Variants in ZFHX3 observed in about 807,000 individuals in gnomAD.
The protein encoded by ZFHX3 is zinc finger homeobox protein 3.
ZFHX3 carries 42 observed loss-of-function variants against 279.1 expected under a neutral mutation model. That is an observed-to-expected ratio of 0.15 (90% CI 0.12 to 0.19). ZFHX3 has a LOEUF of 0.19. Ranked by LOEUF, ZFHX3 falls within the 10% of genes least tolerant of loss-of-function variation. ZFHX3 has a pLI of 1.00. For missense variants in ZFHX3, 4,981 were observed against 4,754.0 expected (o/e 1.05, Z -1.40); for synonymous variants, 2,293 against 1,957.8 (o/e 1.17, Z -4.52).
At chr16:73,727,534 C>T (rs2053529732) in intron 1 of ZFHX3, among the ~76,000 whole-genome samples, 1 of 152,134 alleles carries the variant, frequency 6.6e-6, no homozygotes, top group Admixed American at 6.5e-5. Flanking sequence ...TTTCTTCTAC[C>T]ATTAAGGATT....
At chr16:73,183,098 G>A (rs554448297) in intron 5 of ZFHX3, among the ~76,000 whole-genome samples, 2 of 152,230 alleles carry the variant, frequency 1.3e-5, no homozygotes, top group East Asian at 1.9e-4. Flanking sequence ...CCAGCTACTC[G>A]GGAGGCTGAG....
At chr16:73,863,462 A>T (rs1961933864) in intron 1 of ZFHX3, among the ~76,000 whole-genome samples, 1 of 152,120 alleles carries the variant, frequency 6.6e-6, no homozygotes. Context: ...AACCAAAGCC[A>T]CCCTTGTGTC....
Position 73,105,398 on chromosome 16 carries a change from T to TATATATATACACACACACAC in ZFHX3, c.-896-11801_-896-11800insGTGTGTGTGTGTATATATAT, listed in dbSNP as rs1163296675. On this transcript the variant is annotated intron_variant, in intron 7 of 17. Transcript: ENST00000641206. ...ATATATATATACACACACACACATA[T>TATATATATACACACACACAC]ATATATATATACACACACACATATA... Among the ~76,000 whole-genome samples the TATATATATACACACACACAC allele has an allele frequency of 4.9e-5, 6 of 122,124 alleles. 1 individual carries two copies. Among genetic ancestry groups the TATATATATACACACACACAC allele is most frequent in the Non-Finnish European group, 9.6e-5 (6 of 62,598 alleles). The allele number at this position is 122,124 out of a possible 152,430, so 80.1% of individuals were successfully genotyped here.
At chr16:73,843,007 T>C (rs1961351898) in intron 1 of ZFHX3, among the ~76,000 whole-genome samples, 1 of 152,264 alleles carries the variant, frequency 6.6e-6, no homozygotes, top group Non-Finnish European at 1.5e-5. Context: ...AGTAACACAT[T>C]ATGTACAAAA....
At chr16:73,147,847 C>T (rs1597183208) in intron 5 of ZFHX3, among the ~76,000 whole-genome samples, 1 of 151,966 alleles carries the variant, frequency 6.6e-6, no homozygotes. Context: ...ACTCCAGCCT[C>T]GGTGACAGAG....
At chr16:73,098,794 C>T (rs1330927394) in intron 7 of ZFHX3, 5 of 152,206 alleles carry the variant, frequency 3.3e-5, no homozygotes, top group African/African-American at 1.2e-4. Flanking sequence ...GAATTCCTCT[C>T]TGACTGTCAA....
intron 3 of ZFHX3, among the ~76,000 whole-genome samples, chr16:73,369,987 C>G (rs2016596843): frequency 6.6e-6 from 1 of 152,152 alleles, no homozygotes; most frequent in Non-Finnish European, 1.5e-5. Flanking sequence ...ACAAAAGATC[C>G]CTTTTATGCC....
intron 3 of ZFHX3, among the ~76,000 whole-genome samples, chr16:73,444,955 TAAAAA>T (rs56235953): frequency 1.2e-3 from 85 of 68,476 alleles, no homozygotes; most frequent in African/African-American, 4.1e-3. Context: ...CCATCTATAC[TAAAAA>T]AAAAAAAAAA....
intron 1 of ZFHX3, among the ~76,000 whole-genome samples, chr16:73,055,323 T>C (rs375080126): frequency 6.6e-6 from 1 of 152,064 alleles, no homozygotes; most frequent in Non-Finnish European, 1.5e-5. Context: ...GCTGGGAGCC[T>C]ATGTCTATGC....
At chr16:73,237,378 T>C (rs2012982968) in intron 5 of ZFHX3, among the ~76,000 whole-genome samples, 1 of 152,110 alleles carries the variant, frequency 6.6e-6, no homozygotes, top group Admixed American at 6.6e-5. Context: ...CTTAAGTAGC[T>C]GGGACTACAG....
chr16:73,782,124 G>T (rs1238356736), intron 1 of ZFHX3, among the ~76,000 whole-genome samples: 5 of 152,208 alleles, frequency 3.3e-5, no homozygotes, highest in Non-Finnish European at 7.3e-5. Flanking sequence ...GGTCAGGAAT[G>T]GTGCTTTAGA....
At chr16:73,233,198 G>C (rs945019759) in intron 5 of ZFHX3, 12 of 151,446 alleles carry the variant, frequency 7.9e-5, no homozygotes, top group African/African-American at 2.9e-4. Flanking sequence ...GACGGGAATT[G>C]CTCGATGTTC....
chr16:73,230,247 A>G (rs1430650051), intron 5 of ZFHX3, among the ~76,000 whole-genome samples: 2 of 152,366 alleles, frequency 1.3e-5, no homozygotes, highest in South Asian at 2.1e-4. Context: ...ATGAAATTGC[A>G]GATAGATGCA....
chr16:73,608,239 T>C (rs1182503308), intron 2 of ZFHX3, among the ~76,000 whole-genome samples: 3 of 152,212 alleles, frequency 2.0e-5, no homozygotes, highest in African/African-American at 4.8e-5. Flanking sequence ...CTACACTTCC[T>C]TCCCATTTCC....
intron 1 of ZFHX3, among the ~76,000 whole-genome samples, chr16:73,030,174 C>T (rs1964645813): frequency 6.6e-6 from 1 of 152,214 alleles, no homozygotes; most frequent in African/African-American, 2.4e-5. Flanking sequence ...ACTTTCTCTA[C>T]CTCCAATCTT....
chr16:73,074,348 G>A (rs145678218), intron 8 of ZFHX3, among the ~76,000 whole-genome samples: 31 of 152,196 alleles, frequency 2.0e-4, no homozygotes, highest in South Asian at 2.1e-4. Flanking sequence ...AAAACTGTAC[G>A]GAAACCAAAA....
At chr16:73,494,993 T>G (rs529858301) in intron 2 of ZFHX3, among the ~76,000 whole-genome samples, 10 of 152,346 alleles carry the variant, frequency 6.6e-5, no homozygotes, top group Admixed American at 6.5e-4. Context: ...GTTTCTCTTT[T>G]GTATCAATCG....
intron 3 of ZFHX3, among the ~76,000 whole-genome samples, chr16:73,417,667 T>G (rs1006186886): frequency 1.3e-5 from 2 of 151,668 alleles, no homozygotes; most frequent in African/African-American, 4.9e-5. Context: ...AAAAATAATT[T>G]TTTAAAAAGG....
At chr16:73,559,046 G>A (rs942962686) in intron 2 of ZFHX3, among the ~76,000 whole-genome samples, 2 of 144,970 alleles carry the variant, frequency 1.4e-5, no homozygotes, top group African/African-American at 5.4e-5. Context: ...TCCTCTTTTT[G>A]TGTGTGTGTG....
Sources: gnomAD v4.1 joint callset for allele counts (sites outside exome capture counted in the v4.1 genomes callset) on GRCh38, gnomAD v4.1.1 for gene constraint, MANE v1.5 for transcripts, NCBI Gene and HGNC (gene_info 2026-07-23, HGNC 2026-07-21) for gene names.